Variants in IGSF10 observed in about 807,000 individuals in gnomAD.
IGSF10 encodes calvaria mechanical force protein 608.
Under a neutral mutation model 128.2 loss-of-function variants are expected in IGSF10, and 126 were observed. The ratio of observed to expected loss-of-function variants is 0.98; its 90% CI spans 0.85 to 1.14. The LOEUF (loss-of-function observed/expected upper bound fraction) is 1.14. IGSF10 is among the 50% of genes most tolerant of loss of function. The probability of loss-of-function intolerance (pLI) is 0.00; values close to 1 mark genes in which losing one functional copy is unlikely to be tolerated. For synonymous variants in IGSF10, 1,185 were observed against 1,146.2 expected, an observed-to-expected ratio of 1.03 and a Z score of -0.68; for missense variants, 3,295 against 3,149.8, an observed-to-expected ratio of 1.05 and a Z score of -1.10.
At chr3:151,525,518 A>T in the IGSF10 span, among the ~76,000 whole-genome samples, 1 of 152,208 alleles carries the variant, frequency 6.6e-6, no homozygotes, top group South Asian at 2.1e-4. Context: ...TCTGTACTCT[A>T]TTAAGGTCTC....
chr3:151,438,700 C>T, intron 7 of IGSF10, 103 bp from the exon 8 acceptor site: 1 of 774,462 alleles, frequency 1.3e-6, no homozygotes, highest in South Asian at 1.8e-5. Flanking sequence ...TGAAGCATGA[C>T]CAATGAAAAT....
the IGSF10 span, among the ~76,000 whole-genome samples, chr3:151,552,436 A>G: frequency 6.6e-6 from 1 of 152,184 alleles, no homozygotes; most frequent in African/African-American, 2.4e-5. Context: ...ATGACAAACT[A>G]GTGTCCTTAA....
the IGSF10 span, among the ~76,000 whole-genome samples, chr3:151,503,023 CAG>C: frequency 2.0e-5 from 3 of 152,018 alleles, no homozygotes; most frequent in African/African-American, 7.2e-5. Context: ...TCATCACTCT[CAG>C]AGTAAATCAG....
chr3:151,470,933 C>T, the IGSF10 span, among the ~76,000 whole-genome samples: 47 of 152,158 alleles, frequency 3.1e-4, no homozygotes, highest in Non-Finnish European at 6.3e-4. Context: ...TCATCTAAAA[C>T]ACTGTAATCT....
intron 2 of IGSF10, among the ~76,000 whole-genome samples, chr3:151,459,176 C>G (rs1249127659): frequency 1.3e-5 from 2 of 152,142 alleles, no homozygotes; most frequent in African/African-American, 4.8e-5. Flanking sequence ...AAAAATTACT[C>G]AATCTCACCA....
At chr3:151,544,017 C>A in the IGSF10 span, among the ~76,000 whole-genome samples, 12 of 152,194 alleles carry the variant, frequency 7.9e-5, no homozygotes, top group East Asian at 2.3e-3. Flanking sequence ...TCAAGCAATT[C>A]TCCTGCCTCA....
chr3:151,560,702 G>GCC, the IGSF10 span, among the ~76,000 whole-genome samples: 357 of 151,078 alleles, frequency 2.4e-3, 1 homozygote, highest in South Asian at 1.7e-3. Flanking sequence ...CATTGCCATA[G>GCC]CCCCCCCCTC....
At chr3:151,560,477 T>C in the IGSF10 span, among the ~76,000 whole-genome samples, 1 of 152,088 alleles carries the variant, frequency 6.6e-6, no homozygotes, top group Non-Finnish European at 1.5e-5. Flanking sequence ...AAATTATTTT[T>C]CTCCCAATGA....
the IGSF10 span, among the ~76,000 whole-genome samples, chr3:151,514,544 G>A: frequency 3.3e-5 from 5 of 152,102 alleles, no homozygotes; most frequent in Non-Finnish European, 5.9e-5. Flanking sequence ...TACCATTCAG[G>A]ACATAGGCAT....
chr3:151,598,855 T>A, the IGSF10 span, among the ~76,000 whole-genome samples: 1 of 152,200 alleles, frequency 6.6e-6, no homozygotes, highest in Non-Finnish European at 1.5e-5. Flanking sequence ...GTATTTAACA[T>A]CAAAGCTGCC....
At chr3:151,432,918 ACTATATTTTAT>A, downstream of IGSF10, 1 of 779,816 alleles carries the variant, frequency 1.3e-6, no homozygotes, top group Non-Finnish European at 2.0e-6. Context: ...TTGACATTTT[ACTATATTTTAT>A]GCTACATCTC....
chr3:151,463,522 G>GTTT (rs1553837055), upstream of IGSF10, among the ~76,000 whole-genome samples: 5 of 31,876 alleles, frequency 1.6e-4, no homozygotes, highest in African/African-American at 2.5e-4. Flanking sequence ...TACATTTTCT[G>GTTT]GTTTTTTTTT....
chr3:151,507,179 T>C, the IGSF10 span, among the ~76,000 whole-genome samples: 3 of 152,100 alleles, frequency 2.0e-5, no homozygotes, highest in African/African-American at 7.2e-5. Context: ...CCCTGTTTTG[T>C]CTCCTGGTTA....
the IGSF10 span, among the ~76,000 whole-genome samples, chr3:151,572,442 G>C: frequency 1.3e-5 from 2 of 152,152 alleles, no homozygotes; most frequent in Non-Finnish European, 2.9e-5. Flanking sequence ...TCTTGGTTTA[G>C]TCTTGGGAAG....
the IGSF10 span, among the ~76,000 whole-genome samples, chr3:151,529,497 T>C: frequency 6.6e-6 from 1 of 152,252 alleles, no homozygotes; most frequent in East Asian, 1.9e-4. Context: ...GGGATGAAGC[T>C]TCCAGAGGAA....
At chr3:151,577,095 T>C in the IGSF10 span, among the ~76,000 whole-genome samples, 24 of 152,332 alleles carry the variant, frequency 1.6e-4, no homozygotes, top group Non-Finnish European at 3.5e-4. Context: ...TTTTACGTTA[T>C]ATTTATTCTG....
chr3:151,535,108 G>A, the IGSF10 span, among the ~76,000 whole-genome samples: 73 of 152,054 alleles, frequency 4.8e-4, no homozygotes, highest in Non-Finnish European at 7.9e-4. Context: ...AGAACTAAAT[G>A]AGAAAATGTA....
At chr3:151,499,292 T>C in the IGSF10 span, among the ~76,000 whole-genome samples, 5 of 152,280 alleles carry the variant, frequency 3.3e-5, no homozygotes, top group Non-Finnish European at 7.4e-5. Flanking sequence ...CAACAGGGAA[T>C]TGAATGAAAG....
chr3:151,473,974 C>T, the IGSF10 span, among the ~76,000 whole-genome samples: 1 of 151,636 alleles, frequency 6.6e-6, no homozygotes, highest in Non-Finnish European at 1.5e-5. Context: ...TCCAGTGGGG[C>T]TCCTGGGGGC....
Sources: allele counts gnomAD v4.1 joint callset (sites outside exome capture counted in the v4.1 genomes callset), GRCh38; gene constraint gnomAD v4.1.1; transcripts MANE v1.5; gene names NCBI Gene and HGNC (gene_info 2026-07-23, HGNC 2026-07-21).